PANX1: variants seen among roughly 807,000 people sequenced by gnomAD.
The protein encoded by PANX1 is pannexin 1.
In PANX1, 30 loss-of-function variants were observed where a neutral mutation model predicts 38.7. The ratio of observed to expected loss-of-function variants is 0.78; its 90% CI spans 0.58 to 1.05. PANX1 has a LOEUF of 1.05. Among genes scored for constraint, PANX1 ranks in the 50% least tolerant of loss-of-function variants. PANX1 has a pLI of 0.00. For missense variants in PANX1, 551 were observed against 517.2 expected, an observed-to-expected ratio of 1.07 and a Z score of -0.63; for synonymous variants, 230 against 212.2, an observed-to-expected ratio of 1.08 and a Z score of -0.73.
At chr11:94,141,543 C>A (rs938108669) in intron 1 of PANX1, among the ~76,000 whole-genome samples, 1 of 152,096 alleles carries the variant, frequency 6.6e-6, no homozygotes, top group African/African-American at 2.4e-5. Context: ...TTATGAAATA[C>A]CCCTTCCTTC....
intron 4 of PANX1, 150 bp from the exon 5 acceptor site, chr11:94,180,640 G>A (rs911237221): frequency 8.9e-6 from 5 of 562,196 alleles, no homozygotes; most frequent in Non-Finnish European, 1.6e-5. Flanking sequence ...TCTTTCAAAG[G>A]GGACTAAAAG....
intron 2 of PANX1, among the ~76,000 whole-genome samples, chr11:94,167,687 A>G (rs1347580467): frequency 6.6e-6 from 1 of 152,252 alleles, no homozygotes; most frequent in African/African-American, 2.4e-5. Flanking sequence ...AACTGCACCA[A>G]AATAATCAAA....
chr11:94,180,305 T>C, intron 4 of PANX1, 48 bp downstream of exon 4: 1 of 1,435,650 alleles, frequency 7.0e-7, no homozygotes, highest in Non-Finnish European at 9.5e-7. Context: ...CGAGAGCCTT[T>C]GCAGCAGCCT....
At chr11:94,146,814 G>T (rs1946833040) in intron 1 of PANX1, among the ~76,000 whole-genome samples, 1 of 152,218 alleles carries the variant, frequency 6.6e-6, no homozygotes, top group Admixed American at 6.5e-5. Context: ...GGCAGGACTG[G>T]ATCCTGCTTG....
At chr11:94,172,076 G>GT (rs1229826920) in intron 2 of PANX1, among the ~76,000 whole-genome samples, 3 of 151,678 alleles carry the variant, frequency 2.0e-5, no homozygotes, top group African/African-American at 7.3e-5. Flanking sequence ...TTTCTCTTAA[G>GT]TAGACTCATA....
At chr11:94,141,601 G>GT (rs901422827) in intron 1 of PANX1, among the ~76,000 whole-genome samples, 1 of 151,890 alleles carries the variant, frequency 6.6e-6, no homozygotes, top group Non-Finnish European at 1.5e-5. Flanking sequence ...AAGCTAAAAT[G>GT]TTTTTTTCAA....
chr11:94,179,259 GT>G (rs1353266530), intron 3 of PANX1, among the ~76,000 whole-genome samples: 2 of 152,096 alleles, frequency 1.3e-5, no homozygotes, highest in Non-Finnish European at 2.9e-5. Flanking sequence ...AGACCCCATA[GT>G]TTTTGCCCAT....
intron 2 of PANX1, among the ~76,000 whole-genome samples, chr11:94,159,599 G>A (rs1472264841): frequency 4.6e-5 from 7 of 151,892 alleles, no homozygotes; most frequent in Non-Finnish European, 8.8e-5. Context: ...TTTTTATTGC[G>A]TCTATTTGAT....
rs200209193 is a variant in PANX1, at chr11:94,178,430, G to A, written c.383G>A (p.Arg128His). 4.2e-5 allele frequency: 68 copies of A among 1,614,066 alleles called. 1 individual carries two copies. Among genetic ancestry groups the A allele is most frequent in the African/African-American group, 3.5e-4 (26 of 75,000 alleles). ...ILLYLPPLFW[R>H]FAAAPHICSD... Reference sequence around the variant, plus strand: ...CTGTACCTGCCCCCGCTGTTCTGGCGTTTCGCAGCTGCTCCTCATATTTGC... The same window carrying A: ...CTGTACCTGCCCCCGCTGTTCTGGCATTTCGCAGCTGCTCCTCATATTTGC... The change falls in exon 3 of 5, where the codon CGT becomes CAT. Residue 128 changes from arginine to histidine, a missense_variant. Transcript: ENST00000227638.
At chr11:94,167,272 A>G (rs1947112721) in intron 2 of PANX1, among the ~76,000 whole-genome samples, 1 of 151,922 alleles carries the variant, frequency 6.6e-6, no homozygotes, top group South Asian at 2.1e-4. Flanking sequence ...CGTACTTCCT[A>G]CTCTCTTCAA....
At chr11:94,155,622 C>T (rs1946941146) in intron 2 of PANX1, among the ~76,000 whole-genome samples, 1 of 152,048 alleles carries the variant, frequency 6.6e-6, no homozygotes, top group African/African-American at 2.4e-5. Flanking sequence ...GGTCTTCATC[C>T]TCGTTGTCTT....
intron 1 of PANX1, among the ~76,000 whole-genome samples, chr11:94,143,968 C>G (rs1016493812): frequency 1.3e-5 from 2 of 152,118 alleles, no homozygotes; most frequent in African/African-American, 4.8e-5. Flanking sequence ...AGACTGTTCT[C>G]AAACTCATGG....
intron 2 of PANX1, among the ~76,000 whole-genome samples, chr11:94,169,436 A>G (rs900567241): frequency 6.6e-6 from 1 of 151,750 alleles, no homozygotes; most frequent in African/African-American, 2.4e-5. Flanking sequence ...TTTGGGTGGT[A>G]TCATGGGCTG....
In PANX1 at chr11:94,161,068, C is replaced by T. The variant is rs562486524; in HGVS notation, c.321+7438C>T. Among the ~76,000 whole-genome samples, 5 of 152,342 alleles carry T rather than the reference C, an allele frequency of 3.3e-5. No homozygotes were observed. In the East Asian group the frequency reaches 9.6e-4, roughly 29 times the overall value. Reference sequence around the variant, plus strand: ...AATATTGGCCCCCACTCTCTTCTGGCTTGTAGAGTTTCTGCCGAGAAATCA... The same window carrying T: ...AATATTGGCCCCCACTCTCTTCTGGTTTGTAGAGTTTCTGCCGAGAAATCA... On this transcript the variant is annotated intron_variant, in intron 2 of 4. Coordinates refer to ENST00000227638, the MANE Select transcript of PANX1 (RefSeq NM_015368.4).
rs547011233 is a variant in PANX1, at chr11:94,159,405, TATTA to T, written c.321+5779_321+5782del. Among the ~76,000 whole-genome samples, 779 of 152,310 alleles carry T rather than the reference TATTA, an allele frequency of 5.1e-3. 3 individuals are homozygous for T. Among genetic ancestry groups the T allele is most frequent in the Non-Finnish European group, 9.2e-3 (625 of 68,032 alleles). ...CCTGGACTTTTTTTGGTTGGTAAGC[TATTA>T]ATTTTTGCCTCAATTTCAGAGCCTG... On this transcript the variant is annotated intron_variant, in intron 2 of 4. Transcript: ENST00000227638.
At chr11:94,133,518 A>G (rs776454806) in intron 1 of PANX1, among the ~76,000 whole-genome samples, 1 of 151,990 alleles carries the variant, frequency 6.6e-6, no homozygotes, top group Non-Finnish European at 1.5e-5. Context: ...GACTCTTCTG[A>G]GTTGTGCCTG....
At chr11:94,161,833 T>C (rs913554301) in intron 2 of PANX1, among the ~76,000 whole-genome samples, 2 of 152,236 alleles carry the variant, frequency 1.3e-5, no homozygotes, top group Non-Finnish European at 1.5e-5. Context: ...CTCTGTTTTT[T>C]CCCCATCTTT....
intron 3 of PANX1, 78 bp downstream of exon 3, chr11:94,178,670 G>C: frequency 8.9e-7 from 1 of 1,129,702 alleles, no homozygotes; most frequent in East Asian, 2.5e-5. Flanking sequence ...TCTGGGCCCA[G>C]AGTTCTCATT....
At chr11:94,159,209 T>C (rs74900942) in intron 2 of PANX1, among the ~76,000 whole-genome samples, 8,450 of 144,258 alleles carry the variant, frequency 0.059, 806 homozygotes, top group African/African-American at 0.22. Flanking sequence ...TCTAAAGTTC[T>C]TTTTTTTTGT....
Sources: gnomAD v4.1 joint callset for allele counts (sites outside exome capture counted in the v4.1 genomes callset) on GRCh38, gnomAD v4.1.1 for gene constraint, MANE v1.5 for transcripts, NCBI Gene and HGNC (gene_info 2026-07-23, HGNC 2026-07-21) for gene names.